DNAH12: variants seen among roughly 807,000 people sequenced by gnomAD.
DNAH12 encodes axonemal beta dynein heavy chain 12.
A neutral mutation model predicts 371.5 loss-of-function variants in DNAH12; 285 were observed. The ratio of observed to expected loss-of-function variants is 0.77; its 90% CI spans 0.70 to 0.85. The LOEUF (loss-of-function observed/expected upper bound fraction) is 0.85, where lower values mean the gene tolerates loss of function less well. Among genes scored for constraint, DNAH12 ranks in the 40% least tolerant of loss-of-function variants. DNAH12 has a pLI of 0.00. For synonymous variants in DNAH12, 1,200 were observed against 1,213.0 expected (o/e 0.99, Z 0.22); for missense variants, 3,611 against 3,689.4 (o/e 0.98, Z 0.55).
chr3:57,304,138 C>T (rs1260275738), intron 69 of DNAH12, among the ~76,000 whole-genome samples: 9 of 151,838 alleles, frequency 5.9e-5, no homozygotes, highest in African/African-American at 2.2e-4. Context: ...AAAACGGCCC[C>T]ACCCCATCTC....
chr3:57,325,846 G>A (rs1487662919), intron 62 of DNAH12, among the ~76,000 whole-genome samples: 2 of 152,274 alleles, frequency 1.3e-5, no homozygotes, highest in African/African-American at 4.8e-5. Context: ...TGTATAATTA[G>A]AACAACCAAT....
rs1182160094 is a variant in DNAH12, at chr3:57,366,375, A to C, written c.9167+354T>G. Among the ~76,000 whole-genome samples, 18 of 152,268 alleles carry C rather than the reference A, an allele frequency of 1.2e-4. No individual in the cohort carries two copies. The South Asian group carries it at 2.3e-3, about 19-fold the overall frequency. ...CTTGGGGCTGCTCTATGGAGCAGCC[A>C]TTCTTTTATTCCTTTACTTTCTTAA... On this transcript the variant is annotated intron_variant, in intron 57 of 73. Coordinates refer to ENST00000495027, the MANE Select transcript of DNAH12 (RefSeq NM_001366028.2).
chr3:57,513,212 T>C (rs954138486), intron 4 of DNAH12, among the ~76,000 whole-genome samples: 1 of 151,846 alleles, frequency 6.6e-6, no homozygotes, highest in African/African-American at 2.4e-5. Flanking sequence ...ATCATGTCCT[T>C]TGCAGGGACA....
intron 45 of DNAH12, among the ~76,000 whole-genome samples, chr3:57,390,313 T>G: frequency 7.4e-6 from 1 of 134,498 alleles, no homozygotes; most frequent in Non-Finnish European, 1.6e-5. Context: ...CTCTGGAGGC[T>G]GAGGTGGGAG....
chr3:57,539,833 G>A (rs980951231), intron 2 of DNAH12, among the ~76,000 whole-genome samples: 2 of 151,618 alleles, frequency 1.3e-5, no homozygotes, highest in African/African-American at 2.4e-5. Context: ...AGCCAGGATG[G>A]TCTTGATCTT....
In DNAH12 at chr3:57,471,458, T is replaced by C. The variant is rs1289999340; in HGVS notation, c.1911+14A>G. On this transcript the variant is annotated intron_variant, in intron 15 of 73. Coordinates refer to ENST00000495027, the MANE Select transcript of DNAH12 (RefSeq NM_001366028.2). ...TGGGCTGGCCATAGCTATTGTCTCATATATTTATCAGACCTGTTGCATGCG... is the reference window on the plus strand; with the variant it reads ...TGGGCTGGCCATAGCTATTGTCTCACATATTTATCAGACCTGTTGCATGCG... 1.9e-5 allele frequency: 29 copies of C among 1,532,246 alleles called. No individual in the cohort carries two copies. The highest frequency in any genetic ancestry group is 2.5e-5 in the Non-Finnish European group (29 of 1,142,556). The allele number at this position is 1,532,246 out of a possible 1,614,324, so 94.9% of individuals were successfully genotyped here. A position where few individuals can be genotyped will look rare whatever the true frequency, so the allele number is the denominator to read the frequency against.
chr3:57,471,881 G>C (rs2066378903), intron 14 of DNAH12, among the ~76,000 whole-genome samples: 1 of 152,160 alleles, frequency 6.6e-6, no homozygotes, highest in Non-Finnish European at 1.5e-5. Context: ...ACCATTTATT[G>C]AGCATGTGCC....
chr3:57,423,871 T>C (rs2064672809), intron 35 of DNAH12, among the ~76,000 whole-genome samples: 1 of 151,950 alleles, frequency 6.6e-6, no homozygotes, highest in South Asian at 2.1e-4. Flanking sequence ...CCTGAGTAAC[T>C]GGGACTACAG....
intron 65 of DNAH12, among the ~76,000 whole-genome samples, chr3:57,320,621 C>G (rs1196641550): frequency 1.5e-5 from 1 of 66,464 alleles, no homozygotes; most frequent in Non-Finnish European, 2.7e-5. Flanking sequence ...ACAAACCAGT[C>G]ACACCTGCAG....
rs531976916 is a variant in DNAH12, at chr3:57,477,259, G to A, written c.1651-4588C>T. ...CGCTTTTCCAACGGGTTTAGCAAAC[G>A]GCACACCAGGAGATTATATCCTGTG... On this transcript the variant is annotated intron_variant, in intron 13 of 73. Coordinates refer to ENST00000495027, the MANE Select transcript of DNAH12 (RefSeq NM_001366028.2). Among the ~76,000 whole-genome samples the A allele has an allele frequency of 2.4e-4, 37 of 152,254 alleles. No homozygotes were observed. The Middle Eastern group carries it at 0.031, about 126-fold the overall frequency.
rs530645104 is a variant in DNAH12, at chr3:57,409,689, TAAC to T, written c.6021-1157_6021-1155del. ...GCAGAATTCCTAGGGCCTATAGTAA[TAAC>T]AAAAATGCAACTGTAAAATATGACT... On this transcript the variant is annotated intron_variant, in intron 39 of 73. Coordinates refer to ENST00000495027, the MANE Select transcript of DNAH12 (RefSeq NM_001366028.2). Among the ~76,000 whole-genome samples the T allele has an allele frequency of 9.9e-5, 15 of 152,118 alleles. No individual in the cohort carries two copies. The South Asian group carries it at 3.1e-3, about 32-fold the overall frequency.
At chr3:57,508,681 C>G in intron 6 of DNAH12, 141 bp from the exon 7 acceptor site, 1 of 869,006 alleles carries the variant, frequency 1.2e-6, no homozygotes, top group Non-Finnish European at 1.7e-6. Flanking sequence ...GCAATGGGAA[C>G]CTTAAGATAT....
At chr3:57,295,654 T>A (rs2061218678) in intron 72 of DNAH12, 62 bp from the exon 73 acceptor site, 2 of 1,403,384 alleles carry the variant, frequency 1.4e-6, no homozygotes, top group Non-Finnish European at 1.9e-6. Context: ...TGAGAACAGA[T>A]TGCTACTTAG....
rs372803397 is a variant in DNAH12, at chr3:57,494,682, C to T, written c.1336-4995G>A. Among the ~76,000 whole-genome samples, 31 of 152,246 alleles carry T rather than the reference C, an allele frequency of 2.0e-4. 2 individuals carry two copies. The South Asian group carries it at 6.2e-3, about 31-fold the overall frequency. ...AACTCAGATTAGAAAGGAAGTAAGA[C>T]AATCACTATTACACATGACATGATA... On this transcript the variant is annotated intron_variant, in intron 11 of 73. Coordinates refer to ENST00000495027, the MANE Select transcript of DNAH12 (RefSeq NM_001366028.2).
intron 23 of DNAH12, among the ~76,000 whole-genome samples, chr3:57,454,217 A>G (rs757800948): frequency 6.6e-6 from 1 of 152,224 alleles, no homozygotes; most frequent in African/African-American, 2.4e-5. Context: ...GCAGCGGTTC[A>G]TGCCTCTAAT....
intron 60 of DNAH12, among the ~76,000 whole-genome samples, chr3:57,337,830 T>A (rs985308431): frequency 6.6e-6 from 1 of 151,998 alleles, no homozygotes; most frequent in East Asian, 1.9e-4. Flanking sequence ...AGACAGAAAG[T>A]CAACAAAGAA....
chr3:57,353,687 A>G (rs977374335), intron 59 of DNAH12, among the ~76,000 whole-genome samples: 1 of 152,212 alleles, frequency 6.6e-6, no homozygotes, highest in Non-Finnish European at 1.5e-5. Flanking sequence ...AACAAGCATA[A>G]AACTAACAAC....
intron 58 of DNAH12, among the ~76,000 whole-genome samples, chr3:57,358,338 T>C: frequency 6.6e-6 from 1 of 152,230 alleles, no homozygotes; most frequent in South Asian, 2.1e-4. Context: ...ACAAAAGTCT[T>C]AAAAGAAACT....
the DNAH12 span, among the ~76,000 whole-genome samples, chr3:57,552,635 T>G: frequency 6.6e-6 from 1 of 152,190 alleles, no homozygotes; most frequent in African/African-American, 2.4e-5. Context: ...CCAGGTATAG[T>G]GTCTCATCTC....
Sources: allele counts gnomAD v4.1 joint callset (sites outside exome capture counted in the v4.1 genomes callset), GRCh38; gene constraint gnomAD v4.1.1; transcripts MANE v1.5; gene names NCBI Gene and HGNC (gene_info 2026-07-23, HGNC 2026-07-21).